ADGRG1: variants seen among roughly 807,000 people sequenced by gnomAD.
ADGRG1 encodes the protein 7-transmembrane protein with no EGF-like N-terminal domains-1.
A neutral mutation model predicts 73.5 loss-of-function variants in ADGRG1; 53 were observed. The ratio of observed to expected loss-of-function variants is 0.72; its 90% CI spans 0.58 to 0.91. The LOEUF is 0.91. Ranked by LOEUF, ADGRG1 falls within the 40% of genes least tolerant of loss-of-function variation. The probability of loss-of-function intolerance (pLI) is 0.00; values close to 1 mark genes in which losing one functional copy is unlikely to be tolerated. For missense variants in ADGRG1, 795 were observed against 871.8 expected, an observed-to-expected ratio of 0.91 and a Z score of 1.11; for synonymous variants, 394 against 374.4, an observed-to-expected ratio of 1.05 and a Z score of -0.60.
At chr16:57,630,520 G>A (rs1304500267) in intron 1 of ADGRG1, 1 of 985,494 alleles carries the variant, frequency 1.0e-6, no homozygotes, top group Non-Finnish European at 1.2e-6. Flanking sequence ...CGTAGGCCTG[G>A]GGCTTGGCTC....
upstream of ADGRG1, chr16:57,620,223 G>A (rs1173325152): frequency 6.6e-6 from 1 of 152,448 alleles, no homozygotes; most frequent in Non-Finnish European, 1.5e-5. Context: ...CATCCCTCAG[G>A]TCTAGTTCAA....
intron 1 of ADGRG1, chr16:57,642,575 T>C: frequency 1.0e-6 from 1 of 968,772 alleles, no homozygotes; most frequent in African/African-American, 1.8e-5. Flanking sequence ...TGGGTTTCTT[T>C]CCTGCAGGAC....
chr16:57,647,889 C>T (rs2043081511), intron 1 of ADGRG1: 3 of 376,134 alleles, frequency 8.0e-6, no homozygotes, highest in Non-Finnish European at 1.1e-5. Context: ...GAGCTCTCTA[C>T]CTGTACTCCC....
intron 1 of ADGRG1, among the ~76,000 whole-genome samples, chr16:57,629,755 T>A (rs2037206700): frequency 1.3e-5 from 2 of 152,102 alleles, no homozygotes; most frequent in Admixed American, 6.5e-5. Context: ...ACCTCAGGGC[T>A]CCATCTGCCT....
At chr16:57,642,525 A>T in intron 1 of ADGRG1, 1 of 979,776 alleles carries the variant, frequency 1.0e-6, no homozygotes, top group Non-Finnish European at 1.2e-6. Context: ...AAAAGGCTCT[A>T]CCTTCACGTT....
At chr16:57,661,398 T>A (rs965716013) in intron 12 of ADGRG1, 8 of 985,396 alleles carry the variant, frequency 8.1e-6, no homozygotes, top group Non-Finnish European at 8.4e-6. Context: ...AGCTCCAGCC[T>A]GGGAAGGAAT....
upstream of ADGRG1, among the ~76,000 whole-genome samples, chr16:57,626,016 G>T (rs2035767217): frequency 6.6e-6 from 1 of 152,210 alleles, no homozygotes. Context: ...GAAAGGCGTG[G>T]GTAGCCCTCC....
chr16:57,645,249 C>T (rs1302770549), intron 1 of ADGRG1: 6 of 985,328 alleles, frequency 6.1e-6, no homozygotes, highest in Non-Finnish European at 7.2e-6. Flanking sequence ...GGGGTCTTCC[C>T]CTCTGCCTCT....
chr16:57,624,100 T>C (rs2035386946), upstream of ADGRG1: 3 of 563,880 alleles, frequency 5.3e-6, no homozygotes, highest in South Asian at 2.3e-4. Flanking sequence ...TTGGCCAAGA[T>C]TTATTGAGCA....
At chr16:57,636,514 T>A (rs538308633) in intron 1 of ADGRG1, 1 of 985,318 alleles carries the variant, frequency 1.0e-6, no homozygotes, top group Non-Finnish European at 1.2e-6. Context: ...TCCTGTTAGA[T>A]GCTGGAGAGT....
At chr16:57,662,803 C>A (rs562614624) in intron 13 of ADGRG1, 30 of 273,142 alleles carry the variant, frequency 1.1e-4, no homozygotes, top group Non-Finnish European at 1.6e-4. Context: ...GGTGCACACA[C>A]AGGCATGCAC....
chr16:57,652,669 C>T (rs2044386584), intron 3 of ADGRG1: 2 of 989,792 alleles, frequency 2.0e-6, no homozygotes, highest in Admixed American at 5.8e-5. Flanking sequence ...ATGGAGCTAC[C>T]CAGGGCCTGC....
intron 1 of ADGRG1, among the ~76,000 whole-genome samples, chr16:57,649,724 C>T (rs1434060808): frequency 2.0e-5 from 3 of 151,622 alleles, no homozygotes; most frequent in Non-Finnish European, 4.4e-5. Context: ...GGTCCTGCAG[C>T]GGGCAAAAGG....
At chr16:57,630,636 A>C in intron 1 of ADGRG1, 4 of 529,604 alleles carry the variant, frequency 7.6e-6, no homozygotes, top group Non-Finnish European at 9.7e-6. Context: ...CTGGTGTGAC[A>C]CTTCCTTTTG....
At chr16:57,644,644 G>T (rs1049748745) in intron 1 of ADGRG1, among the ~76,000 whole-genome samples, 1 of 143,418 alleles carries the variant, frequency 7.0e-6, no homozygotes, top group Non-Finnish European at 1.5e-5. Context: ...ACTCATGCAT[G>T]GGCACGCACA....
chr16:57,655,828 A>G (rs373744916), intron 6 of ADGRG1, 48 bp from the exon 7 acceptor site: 8 of 1,613,860 alleles, frequency 5.0e-6, no homozygotes, highest in Non-Finnish European at 5.9e-6. Flanking sequence ...CCTTCTTCTC[A>G]GTCCTGAACT....
rs758784035 is a variant in ADGRG1 at position 57,656,181 on chromosome 16, G to A, written c.1018-45G>A. ...CTGCCTGGCCTGTAAAGTTGGAGGG[G>A]TGGGGGGCTGTCACAGAAACCACTC... is the stretch of plus-strand genomic sequence containing the variant. On this transcript the variant is annotated intron_variant, in intron 7 of 13. Transcript: ENST00000562631. 2.5e-6 allele frequency: 4 copies of A among 1,613,694 alleles called. No homozygotes were observed. In the South Asian group the frequency reaches 4.4e-5, roughly 18 times the overall value.
At chr16:57,646,686 G>C (rs2042733672) in intron 1 of ADGRG1, 1 of 985,028 alleles carries the variant, frequency 1.0e-6, no homozygotes, top group South Asian at 4.7e-5. Context: ...ATCAATGCCA[G>C]CTCTACAAGG....
upstream of ADGRG1, chr16:57,626,721 TG>T (rs1338247670): frequency 5.4e-5 from 53 of 977,506 alleles, no homozygotes; most frequent in Non-Finnish European, 6.3e-5. Context: ...GGTGTGTGTG[TG>T]GTGGTGGTGG....
Sources: gnomAD v4.1 joint callset for allele counts (sites outside exome capture counted in the v4.1 genomes callset) on GRCh38, gnomAD v4.1.1 for gene constraint, MANE v1.5 for transcripts, NCBI Gene and HGNC (gene_info 2026-07-23, HGNC 2026-07-21) for gene names.